Variants in OR2H1 observed in about 807,000 individuals in gnomAD.
OR2H1 encodes the protein olfactory receptor family 2 subfamily H member 1.
For synonymous variants in OR2H1, 155 were observed against 155.2 expected (o/e 1.00, Z 0.01); for missense variants, 380 against 367.3 (o/e 1.03, Z -0.28).
In OR2H1 at chr6:29,462,812, T is replaced by C. The variant is rs1006844980; in HGVS notation, c.*92T>C. ...CCCTTCCCACATACACCTGAGCCACTGTGGTGGGTCACAGTGTGGCTATGT... is the reference window on the plus strand; with the variant it reads ...CCCTTCCCACATACACCTGAGCCACCGTGGTGGGTCACAGTGTGGCTATGT... On this transcript the variant is annotated 3_prime_UTR_variant, in exon 4 of 4. Coordinates refer to ENST00000377133, the MANE Select transcript of OR2H1 (RefSeq NM_030883.5). 6 of 856,252 alleles carry C rather than the reference T, an allele frequency of 7.0e-6. No individual in the cohort carries two copies. Among genetic ancestry groups the C allele is most frequent in the South Asian group, 3.5e-5 (2 of 56,706 alleles). 53.0% of individuals were successfully genotyped at this position (856,252 alleles called of 1,614,324 possible).
chr6:29,459,034 G>A (rs1786878774), intron 2 of OR2H1, among the ~76,000 whole-genome samples: 1 of 152,052 alleles, frequency 6.6e-6, no homozygotes, highest in South Asian at 2.1e-4. Flanking sequence ...GTAAGGAAAA[G>A]GCATGTTATT....
rs769333026 is a variant in OR2H1 at position 29,457,172 on chromosome 6, T to C, written c.-478T>C. ...ATCGTTTCTACCAGATTCTATTTGTTAAAACTGAGTCACTCAGTACAGCTC... is the reference window on the plus strand; with the variant it reads ...ATCGTTTCTACCAGATTCTATTTGTCAAAACTGAGTCACTCAGTACAGCTC... On this transcript the variant is annotated 5_prime_UTR_variant, in exon 1 of 4. Coordinates refer to ENST00000377133, the MANE Select transcript of OR2H1 (RefSeq NM_030883.5). 10 of 152,172 alleles carry C rather than the reference T, an allele frequency of 6.6e-5. No individual in the cohort carries two copies. Among genetic ancestry groups the C allele is most frequent in the Non-Finnish European group, 1.5e-4 (10 of 68,022 alleles). 9.4% of individuals were successfully genotyped at this position (152,172 alleles called of 1,614,324 possible). A position where few individuals can be genotyped will look rare whatever the true frequency, so the allele number is the denominator to read the frequency against.
At chr6:29,461,319 T>C (rs1787219064) in intron 3 of OR2H1, 176 bp from the exon 4 acceptor site, 2 of 166,856 alleles carry the variant, frequency 1.2e-5, no homozygotes, top group African/African-American at 4.8e-5. Context: ...TACATATGAA[T>C]AGTAGGGCAA....
chr6:29,461,971 G>T lies in OR2H1; in HGVS notation c.202G>T (p.Asp68Tyr). 6.2e-7 allele frequency: 1 copy of T among 1,613,006 alleles called. No individual in the cohort carries two copies. Among genetic ancestry groups the T allele is most frequent in the Non-Finnish European group, 8.5e-7 (1 of 1,180,002 alleles). Residue 68 changes from aspartate (D) to tyrosine (Y), a missense_variant, in exon 4 of 4, where the codon GAC (aspartate) becomes TAC (tyrosine). Physicochemically the swap from Asp to Tyr is radical, Grantham distance 160 (BLOSUM62 -3). Coordinates refer to ENST00000377133, the MANE Select transcript of OR2H1 (RefSeq NM_030883.5). ...YFFLSDLSFL[D>Y]LCFTTSCVPQ... is the part of the protein sequence containing the mutation. ...TTTCCTCTCTGACCTCTCCTTCTTG[G>T]ACCTCTGCTTTACCACAAGTTGTGT...
chr6:29,462,376 A>G lies in OR2H1; in HGVS notation c.607A>G (p.Ile203Val), dbSNP rs1283508204. The G allele has an allele frequency of 1.2e-6, 2 of 1,612,978 alleles. No homozygotes were observed. Among genetic ancestry groups the G allele is most frequent in the East Asian group, 2.2e-5 (1 of 44,882 alleles). The change falls in exon 4 of 4, where the codon ATC becomes GTC. Residue 203 changes from isoleucine to valine, a missense_variant. Coordinates refer to ENST00000377133, the MANE Select transcript of OR2H1 (RefSeq NM_030883.5). ...NEIQLAVSSV[I>V]FVVVPLSLIL... ...AATCCAGTTGGCTGTGTCCAGTGTC[A>G]TCTTCGTGGTTGTGCCTCTCAGCCT...
rs1015788945 is a variant in OR2H1 at position 29,463,679 on chromosome 6, A to C, written c.*959A>C. ...GGTTCTTACCGTGTTAGCTTAGTTC[A>C]TTCAAGCTACTATCACAAGCTACAC... On this transcript the variant is annotated 3_prime_UTR_variant, in exon 4 of 4. Transcript: ENST00000377133. The C allele has an allele frequency of 2.4e-5, 4 of 167,110 alleles. No individual in the cohort carries two copies. The highest frequency in any genetic ancestry group is 9.6e-5 in the African/African-American group (4 of 41,452). 10.4% of individuals were successfully genotyped at this position (167,110 alleles called of 1,614,324 possible).
chr6:29,458,113 G>A (rs1259116979), intron 1 of OR2H1, among the ~76,000 whole-genome samples: 1 of 152,190 alleles, frequency 6.6e-6, no homozygotes, highest in Non-Finnish European at 1.5e-5. Context: ...GAAGTCGTTA[G>A]CAAGAGTTCC....
Position 29,462,478 on chromosome 6 carries a change from G to A in OR2H1, c.709G>A (p.Gly237Arg), listed in dbSNP as rs1447134494. ...TGCCACAGCATGGAGAAAGGCCTTT[G>A]GGACCTGCTCCTCCCATCTCACTGT... is the stretch of plus-strand genomic sequence containing the variant. Reference protein sequence around the residue: ...NSATAWRKAFGTCSSHLTVVT... With the variant: ...NSATAWRKAFRTCSSHLTVVT... Residue 237 changes from glycine (G) to arginine (R), a missense_variant, in exon 4 of 4, where the codon GGG becomes AGG. Gly to Arg is a moderately radical substitution (Grantham distance 125). Coordinates refer to ENST00000377133, the MANE Select transcript of OR2H1 (RefSeq NM_030883.5). 1.2e-6 allele frequency: 2 copies of A among 1,612,940 alleles called. No individual in the cohort carries two copies. The highest frequency in any genetic ancestry group is 1.3e-5 in the African/African-American group (1 of 74,912).
At chr6:29,459,035 G>A (rs1389813065) in intron 2 of OR2H1, among the ~76,000 whole-genome samples, 3 of 152,100 alleles carry the variant, frequency 2.0e-5, no homozygotes, top group African/African-American at 2.4e-5. Flanking sequence ...TAAGGAAAAG[G>A]CATGTTATTA....
rs2151421586 is a variant in OR2H1 at position 29,458,477 on chromosome 6, G to C, written c.-419G>C. 3 of 152,322 alleles carry C rather than the reference G, an allele frequency of 2.0e-5. No individual in the cohort carries two copies. In the South Asian group the frequency reaches 6.2e-4, roughly 32 times the overall value. The allele number at this position is 152,322 out of a possible 1,614,324, so 9.4% of individuals were successfully genotyped here. A position where few individuals can be genotyped will look rare whatever the true frequency, so the allele number is the denominator to read the frequency against. On this transcript the variant is annotated 5_prime_UTR_variant, in exon 2 of 4. Coordinates refer to ENST00000377133, the MANE Select transcript of OR2H1 (RefSeq NM_030883.5). ...AGTTTGCTTTTAGTTCTCATTGTGA[G>C]ATCACAAGTGGAGGCTCCAACCAGT...
At chr6:29,459,322 A>G (rs1010630966) in intron 2 of OR2H1, among the ~76,000 whole-genome samples, 2 of 152,244 alleles carry the variant, frequency 1.3e-5, no homozygotes, top group African/African-American at 4.8e-5. Context: ...GAAGACTTCT[A>G]AGATACCAGT....
rs764159352 is a variant in OR2H1 at position 29,462,110 on chromosome 6, C to G, written c.341C>G (p.Thr114Arg). Reference protein sequence around the residue: ...SLGTTECILLTVMAFDRYVAV... With the variant: ...SLGTTECILLRVMAFDRYVAV... ...GGGACCACTGAGTGCATCCTCCTGA[C>G]AGTGATGGCCTTTGACCGATACGTG... The change falls in exon 4 of 4, where the codon ACA becomes AGA. Residue 114 changes from threonine (T) to arginine (R), a missense_variant. Physicochemically the swap from Thr to Arg is moderately conservative, Grantham distance 71. Transcript: ENST00000377133. 10 of 1,613,602 alleles carry G rather than the reference C, an allele frequency of 6.2e-6. No individual in the cohort carries two copies. The highest frequency in any genetic ancestry group is 8.5e-6 in the Non-Finnish European group (10 of 1,180,032).
At position 29,461,937 on chromosome 6, in the gene OR2H1, A is replaced by G; in HGVS notation, c.168A>G (p.Pro56=). 1.9e-6 allele frequency: 3 copies of G among 1,612,744 alleles called. No homozygotes were observed. Among genetic ancestry groups the G allele is most frequent in the African/African-American group, 1.3e-5 (1 of 74,882 alleles). The change falls in exon 4 of 4, where the codon CCA becomes CCG. Residue 56 remains proline, a synonymous_variant. Transcript: ENST00000377133. ...TACTGTACCCCAGGCTCCACTCTCC[A>G]ATGTACTTTTTCCTCTCTGACCTCT... ...LSVLYPRLHS[P]MYFFLSDLSF... is the part of the protein sequence containing the mutation.
Position 29,461,614 on chromosome 6 carries a change from C to A in OR2H1, c.-156C>A. ...GGAACGAGAAGGAGCTGCTGGATGA[C>A]GATAAGCCTGGGAAAGGGAGGCTGG... On this transcript the variant is annotated 5_prime_UTR_variant, in exon 4 of 4. Transcript: ENST00000377133. 3.2e-6 allele frequency: 2 copies of A among 629,204 alleles called. No individual in the cohort carries two copies. Among genetic ancestry groups the A allele is most frequent in the South Asian group, 2.1e-5 (1 of 48,362 alleles). 39.0% of individuals were successfully genotyped at this position (629,204 alleles called of 1,614,324 possible).
chr6:29,460,773 G>A (rs1481087706), intron 3 of OR2H1: 1 of 151,826 alleles, frequency 6.6e-6, no homozygotes, highest in Non-Finnish European at 1.5e-5. Context: ...AAATTTGGGG[G>A]TATGAATTTT....
intron 3 of OR2H1, among the ~76,000 whole-genome samples, 169 bp downstream of exon 3, chr6:29,460,623 T>C (rs908952434): frequency 1.3e-5 from 2 of 152,100 alleles, no homozygotes; most frequent in African/African-American, 4.8e-5. Context: ...AGAGGCATTA[T>C]ATATACAACT....
Position 29,461,761 on chromosome 6 carries a change from G to A in OR2H1, c.-9G>A. ...GCCTCATCCCTCCAGGTACAAACAAGAACAGGCCATGGTTAACCAAAGCTC... is the reference window on the plus strand; with the variant it reads ...GCCTCATCCCTCCAGGTACAAACAAAAACAGGCCATGGTTAACCAAAGCTC... On this transcript the variant is annotated 5_prime_UTR_variant, in exon 4 of 4. Coordinates refer to ENST00000377133, the MANE Select transcript of OR2H1 (RefSeq NM_030883.5). 4 of 1,607,148 alleles carry A rather than the reference G, an allele frequency of 2.5e-6. No individual in the cohort carries two copies. The highest frequency in any genetic ancestry group is 3.4e-6 in the Non-Finnish European group (4 of 1,175,870).
intron 1 of OR2H1, 72 bp from the exon 2 acceptor site, chr6:29,458,382 G>A (rs866886523): frequency 1.3e-5 from 2 of 152,196 alleles, no homozygotes; most frequent in African/African-American, 2.4e-5. Context: ...ATGGAAGTAA[G>A]CACTAGCAAT....
chr6:29,462,042 C>T lies in OR2H1; in HGVS notation c.273C>T (p.Ser91=), dbSNP rs1561860696. 6 of 1,613,518 alleles carry T rather than the reference C, an allele frequency of 3.7e-6. No homozygotes were observed. The highest frequency in any genetic ancestry group is 5.1e-6 in the Non-Finnish European group (6 of 1,180,032). ...VNLWGPKKTI[S]FLGCSVQLFI... ...TCTGGGGCCCAAAGAAGACCATCAG[C>T]TTCCTGGGATGCTCTGTCCAGCTCT... The change falls in exon 4 of 4, where the codon AGC becomes AGT. Residue 91 remains serine (S), a synonymous_variant. Transcript: ENST00000377133.
Sources: allele counts gnomAD v4.1 joint callset (sites outside exome capture counted in the v4.1 genomes callset), GRCh38; gene constraint gnomAD v4.1.1; transcripts MANE v1.5; gene names NCBI Gene and HGNC (gene_info 2026-07-23, HGNC 2026-07-21).